IPO13: variants seen among roughly 807,000 people sequenced by gnomAD.
The protein encoded by IPO13 is importin-13.
A neutral mutation model predicts 115.5 loss-of-function variants in IPO13; 28 were observed. The observed-to-expected ratio is 0.24, with a 90% confidence interval of 0.18 to 0.33. The LOEUF is 0.33. IPO13 is among the 10% of genes least tolerant of loss of function. IPO13 has a pLI of 1.00. For missense variants in IPO13, 785 were observed against 1,204.6 expected (o/e 0.65, Z 5.16); for synonymous variants, 414 against 478.9 (o/e 0.86, Z 1.77).
rs779957574 is a variant in IPO13 at position 43,967,034 on chromosome 1, A to C, written c.2613+15A>C. Reference sequence around the variant, plus strand: ...CAGTGCTGGAGGTGAGACGGAGCAAAGGGGGGTTTGATGGGGGTGAGGGCC... The same window carrying C: ...CAGTGCTGGAGGTGAGACGGAGCAACGGGGGGTTTGATGGGGGTGAGGGCC... On this transcript the variant is annotated intron_variant, in intron 18 of 19. Coordinates refer to ENST00000372343, the MANE Select transcript of IPO13 (RefSeq NM_014652.4). This position sits in a 1 kb window ranked among gnomAD's most constrained non-coding sequence, Gnocchi z 6.1. The C allele has an allele frequency of 1.2e-6, 2 of 1,611,578 alleles. No homozygotes were observed. Among genetic ancestry groups the C allele is most frequent in the Non-Finnish European group, 1.7e-6 (2 of 1,178,042 alleles).
In IPO13 at chr1:43,956,403, T is replaced by A. The variant is rs747317298; in HGVS notation, c.905T>A (p.Met302Lys). The A allele has an allele frequency of 6.2e-7, 1 of 1,614,166 alleles. No homozygotes were observed. The highest frequency in any genetic ancestry group is 8.5e-7 in the Non-Finnish European group (1 of 1,180,024). The change falls in exon 3 of 20, where the codon ATG (methionine) becomes AAG (lysine). Residue 302 changes from methionine to lysine, a missense_variant. This residue lies in a region of IPO13 where 325 missense variants were observed against 449.8 expected (regional missense o/e 0.72). Transcript: ENST00000372343. This position sits in a 1 kb window ranked among gnomAD's most constrained non-coding sequence, Gnocchi z 4.7. Reference sequence around the variant, plus strand: ...CGGCAGGCAGTGCAGAATGGGGACATGGAGACCTCCCATGGCATCTGTCGC... The same window carrying A: ...CGGCAGGCAGTGCAGAATGGGGACAAGGAGACCTCCCATGGCATCTGTCGC... ...QLRQAVQNGD[M>K]ETSHGICRIA...
chr1:43,959,905 C>T (rs1386684973), intron 11 of IPO13, among the ~76,000 whole-genome samples: 1 of 152,220 alleles, frequency 6.6e-6, no homozygotes, highest in Non-Finnish European at 1.5e-5. Context: ...TCCACTTCTT[C>T]AGAGGCTAGC....
rs560028113 is a variant in IPO13, at chr1:43,947,347, G to A, written c.-254G>A. The A allele has an allele frequency of 2.5e-6, 1 of 399,190 alleles. No individual in the cohort carries two copies. The highest frequency in any genetic ancestry group is 2.1e-5 in the African/African-American group (1 of 48,756). The allele number at this position is 399,190 out of a possible 1,614,324, so 24.7% of individuals were successfully genotyped here. A position where few individuals can be genotyped will look rare whatever the true frequency, so the allele number is the denominator to read the frequency against. ...TTACCTGCCACTAGGATCCCCGCCT[G>A]AGAGCTCCTCACTGACGGCTCCCTC... On this transcript the variant is annotated 5_prime_UTR_variant, in exon 1 of 20. Coordinates refer to ENST00000372343, the MANE Select transcript of IPO13 (RefSeq NM_014652.4).
intron 11 of IPO13, 68 bp from the exon 12 acceptor site, chr1:43,960,181 C>T (rs1200553547): frequency 2.7e-6 from 4 of 1,492,282 alleles, no homozygotes; most frequent in African/African-American, 2.8e-5. Context: ...CTCCCTGCCA[C>T]CAAGTCCTCC....
chr1:43,960,628 G>T (rs1354734589), intron 12 of IPO13, among the ~76,000 whole-genome samples: 1 of 152,178 alleles, frequency 6.6e-6, no homozygotes, highest in Non-Finnish European at 1.5e-5. Context: ...GCTGCTCCCT[G>T]AGAGGAAATG....
chr1:43,951,309 A>G (rs1036437516), intron 2 of IPO13, among the ~76,000 whole-genome samples: 26 of 152,240 alleles, frequency 1.7e-4, no homozygotes, highest in African/African-American at 6.0e-4. Context: ...CAACATGATG[A>G]ATCCTCTGAT....
intron 11 of IPO13, 119 bp downstream of exon 11, chr1:43,959,008 C>A (rs1216318064): frequency 4.0e-6 from 4 of 997,380 alleles, no homozygotes; most frequent in Non-Finnish European, 6.0e-6. Flanking sequence ...GTTCTCCCTG[C>A]CCCGTGGGCG....
intron 11 of IPO13, among the ~76,000 whole-genome samples, 194 bp downstream of exon 11, chr1:43,959,083 T>A (rs1226659835): frequency 6.6e-6 from 1 of 152,218 alleles, no homozygotes; most frequent in Non-Finnish European, 1.5e-5. Flanking sequence ...GGCAGCAATG[T>A]CATTATCTCA....
In IPO13 at chr1:43,958,387, C is replaced by T; in HGVS notation, c.1750-74C>T. ...TCCCTTATTCTCTGTTTTTCTTCTC[C>T]CAAGAGGCTCATTTTCCTTCCTACC... On this transcript the variant is annotated intron_variant, in intron 9 of 19. Transcript: ENST00000372343. This position sits in a 1 kb window ranked among gnomAD's most constrained non-coding sequence, Gnocchi z 6.3. 8 of 1,610,582 alleles carry T rather than the reference C, an allele frequency of 5.0e-6. No homozygotes were observed. Among genetic ancestry groups the T allele is most frequent in the Non-Finnish European group, 6.8e-6 (8 of 1,177,740 alleles).
intron 11 of IPO13, among the ~76,000 whole-genome samples, chr1:43,959,105 G>A (rs2085272382): frequency 6.6e-6 from 1 of 152,190 alleles, no homozygotes; most frequent in African/African-American, 2.4e-5. Flanking sequence ...TCAGCTCTGT[G>A]TGTGATGTTG....
intron 15 of IPO13, among the ~76,000 whole-genome samples, chr1:43,964,527 A>C (rs1015636782): frequency 2.6e-5 from 4 of 152,066 alleles, no homozygotes; most frequent in African/African-American, 7.2e-5. Flanking sequence ...TCAGTCTTCT[A>C]CAAAGACCAG....
chr1:43,953,835 T>C (rs532899286), intron 2 of IPO13, among the ~76,000 whole-genome samples: 3 of 152,174 alleles, frequency 2.0e-5, no homozygotes, highest in South Asian at 2.1e-4. Flanking sequence ...ACTGGAGATA[T>C]GGGCTGAGAC....
intron 14 of IPO13, 46 bp downstream of exon 14, chr1:43,961,308 C>A: frequency 6.8e-7 from 1 of 1,479,650 alleles, no homozygotes; most frequent in Non-Finnish European, 9.5e-7. Context: ...CTGCCACTGC[C>A]TCTGCTTCCC....
chr1:43,961,269 C>A lies in IPO13; in HGVS notation c.2344+7C>A. ...CTCACTCTCTTCCAGCAAGGTAGGT[C>A]CTGACCGGGGTCTCTGCTGCTGCTG... On this transcript the variant is annotated splice_region_variant and intron_variant, in intron 14 of 19. Transcript: ENST00000372343. 3 of 1,607,396 alleles carry A rather than the reference C, an allele frequency of 1.9e-6. No homozygotes were observed. The highest frequency in any genetic ancestry group is 2.6e-6 in the Non-Finnish European group (3 of 1,173,854).
At chr1:43,964,823 G>A (rs1283954800) in intron 15 of IPO13, among the ~76,000 whole-genome samples, 1 of 152,208 alleles carries the variant, frequency 6.6e-6, no homozygotes, top group Non-Finnish European at 1.5e-5. Context: ...GAGAGGTTGA[G>A]CTGCTGCTAG....
chr1:43,957,148 C>T, intron 5 of IPO13, 47 bp from the exon 6 acceptor site: 4 of 1,599,358 alleles, frequency 2.5e-6, no homozygotes, highest in Non-Finnish European at 2.6e-6. Context: ...GGGCAGGATC[C>T]AGGGTCAGGA....
rs1271059914 is a variant in IPO13 at position 43,949,792 on chromosome 1, G to T, written c.460G>T (p.Asp154Tyr). Residue 154 changes from aspartate to tyrosine, a missense_variant, in exon 2 of 20, where the codon GAC becomes TAC. Transcript: ENST00000372343. ...TATGGTACGACTCTTCCAGGCTGAGGACTCACCAGTGGATGGGCAGGGCCG... is the reference window on the plus strand; with the variant it reads ...TATGGTACGACTCTTCCAGGCTGAGTACTCACCAGTGGATGGGCAGGGCCG... ...ADMVRLFQAE[D>Y]SPVDGQGRCL... is the part of the protein sequence containing the mutation. 3.1e-6 allele frequency: 5 copies of T among 1,614,132 alleles called. No homozygotes were observed. Among genetic ancestry groups the T allele is most frequent in the Non-Finnish European group, 4.2e-6 (5 of 1,180,012 alleles).
Position 43,967,048 on chromosome 1 carries a change from G to C in IPO13, c.2613+29G>C. On this transcript the variant is annotated intron_variant, in intron 18 of 19. Transcript: ENST00000372343. This position sits in a 1 kb window ranked among gnomAD's most constrained non-coding sequence, Gnocchi z 6.1. ...AGACGGAGCAAAGGGGGGTTTGATG[G>C]GGGTGAGGGCCCCTCACTGCTGAGG... The C allele has an allele frequency of 3.1e-6, 5 of 1,598,708 alleles. No individual in the cohort carries two copies. Among genetic ancestry groups the C allele is most frequent in the Non-Finnish European group, 4.3e-6 (5 of 1,166,300 alleles).
chr1:43,956,353 G>A lies in IPO13; in HGVS notation c.855G>A (p.Leu285=). Residue 285 remains leucine, a synonymous_variant, in exon 3 of 20, where the codon CTG becomes CTA. Coordinates refer to ENST00000372343, the MANE Select transcript of IPO13 (RefSeq NM_014652.4). This position sits in a 1 kb window ranked among gnomAD's most constrained non-coding sequence, Gnocchi z 4.7. The part of the protein sequence containing the change: ...YVNTLLKLIP[L]VLGLQEQLRQ... ...ACACACTCCTGAAACTCATCCCGCTGGTGCTGGGTCTGCAGGAACAACTGC... is the reference window on the plus strand; with the variant it reads ...ACACACTCCTGAAACTCATCCCGCTAGTGCTGGGTCTGCAGGAACAACTGC... The A allele has an allele frequency of 1.2e-6, 2 of 1,614,180 alleles. No homozygotes were observed. The highest frequency in any genetic ancestry group is 2.2e-5 in the East Asian group (1 of 44,874).
Sources: allele counts gnomAD v4.1 joint callset (sites outside exome capture counted in the v4.1 genomes callset), GRCh38; gene constraint gnomAD v4.1.1; regional missense constraint gnomAD v4.1.1; non-coding constraint Gnocchi (gnomAD v3.1); transcripts MANE v1.5; gene names NCBI Gene and HGNC (gene_info 2026-07-23, HGNC 2026-07-21).